HERPUD2: variants seen among roughly 807,000 people sequenced by gnomAD.
HERPUD2 encodes the protein homocysteine-responsive endoplasmic reticulum-resident ubiquitin-like domain member 2 protein.
Under a neutral mutation model 49.9 loss-of-function variants are expected in HERPUD2, and 13 were observed. The ratio of observed to expected loss-of-function variants is 0.26; its 90% CI spans 0.17 to 0.41. The LOEUF (loss-of-function observed/expected upper bound fraction) is 0.41, where lower values mean the gene tolerates loss of function less well. Among genes scored for constraint, HERPUD2 ranks in the 10% least tolerant of loss-of-function variants. The pLI is 1.00. For missense variants in HERPUD2, 449 were observed against 492.2 expected (o/e 0.91, Z 0.83); for synonymous variants, 172 against 171.4 (o/e 1.00, Z -0.03).
chr7:35,682,353 G>A (rs67023430), intron 2 of HERPUD2, among the ~76,000 whole-genome samples: 4,461 of 27,454 alleles, frequency 0.16, 878 homozygotes, highest in African/African-American at 0.22. Context: ...GTGTGTGTGT[G>A]TGTGTATATA....
intron 2 of HERPUD2, among the ~76,000 whole-genome samples, chr7:35,690,604 C>A (rs774875257): frequency 6.6e-6 from 1 of 152,212 alleles, no homozygotes; most frequent in South Asian, 2.1e-4. Context: ...GAGGTCAGGA[C>A]TTTGATACCA....
intron 5 of HERPUD2, among the ~76,000 whole-genome samples, chr7:35,663,418 CTGCTTGG>C (rs1785470724): frequency 6.6e-6 from 1 of 152,150 alleles, no homozygotes; most frequent in Non-Finnish European, 1.5e-5. Flanking sequence ...TCTATTAGGT[CTGCTTGG>C]TGCAGAGCTG....
chr7:35,635,950 T>A (rs1583534391), intron 6 of HERPUD2, among the ~76,000 whole-genome samples: 1 of 152,160 alleles, frequency 6.6e-6, no homozygotes, highest in East Asian at 1.9e-4. Flanking sequence ...TATCCTAAAA[T>A]CCTAAATACA....
chr7:35,645,154 G>A (rs1785030430), intron 5 of HERPUD2, among the ~76,000 whole-genome samples: 2 of 152,166 alleles, frequency 1.3e-5, no homozygotes, highest in Admixed American at 6.5e-5. Context: ...TCTGTACTTT[G>A]TGAATGTTTA....
intron 5 of HERPUD2, among the ~76,000 whole-genome samples, chr7:35,653,275 C>A (rs1785203908): frequency 6.6e-6 from 1 of 152,138 alleles, no homozygotes; most frequent in Admixed American, 6.6e-5. Context: ...ACAAGAACAT[C>A]TATCCTTATA....
chr7:35,685,037 T>G (rs1457840999), intron 2 of HERPUD2, among the ~76,000 whole-genome samples: 1 of 152,094 alleles, frequency 6.6e-6, no homozygotes, highest in Non-Finnish European at 1.5e-5. Flanking sequence ...GCCCAGGAGT[T>G]CCAGACCAGC....
chr7:35,636,616 A>G (rs982542942), intron 6 of HERPUD2, among the ~76,000 whole-genome samples: 1 of 152,238 alleles, frequency 6.6e-6, no homozygotes, highest in African/African-American at 2.4e-5. Context: ...AGTCACTCAA[A>G]TGATAACCAT....
At chr7:35,679,480 AC>A (rs1785832861) in intron 2 of HERPUD2, among the ~76,000 whole-genome samples, 1 of 152,202 alleles carries the variant, frequency 6.6e-6, no homozygotes, top group South Asian at 2.1e-4. Context: ...ATGCAATAGC[AC>A]CCAGCAAAAG....
chr7:35,647,043 A>G (rs1785066728), intron 5 of HERPUD2, among the ~76,000 whole-genome samples: 1 of 152,206 alleles, frequency 6.6e-6, no homozygotes, highest in South Asian at 2.1e-4. Flanking sequence ...ACCAAAATAC[A>G]ATCATCGTAG....
chr7:35,641,739 T>C (rs563930618), intron 5 of HERPUD2, among the ~76,000 whole-genome samples: 1 of 152,318 alleles, frequency 6.6e-6, no homozygotes, highest in East Asian at 1.9e-4. Context: ...TAAATGGTGC[T>C]AGGATAATTG....
At position 35,685,324 on chromosome 7, in the gene HERPUD2, TG is replaced by T. The variant is rs1392884860; in HGVS notation, c.147+8859del. Among the ~76,000 whole-genome samples, 444 of 119,606 alleles carry T rather than the reference TG, an allele frequency of 3.7e-3. 2 individuals carry two copies. Among genetic ancestry groups the T allele is most frequent in the African/African-American group, 0.015 (416 of 27,092 alleles). The allele number at this position is 119,606 out of a possible 152,430, so 78.5% of individuals were successfully genotyped here. A position where few individuals can be genotyped will look rare whatever the true frequency, so the allele number is the denominator to read the frequency against. Reference sequence around the variant, plus strand: ...AAAAAGTAACACTTGGAATTTTTTTTGTTTTTTTTTTTTTTTGGAGATAGAG... The same window carrying T: ...AAAAAGTAACACTTGGAATTTTTTTTTTTTTTTTTTTTTTTGGAGATAGAG... On this transcript the variant is annotated intron_variant, in intron 2 of 8. Coordinates refer to ENST00000311350, the MANE Select transcript of HERPUD2 (RefSeq NM_022373.5).
At chr7:35,681,429 A>G (rs1032395102) in intron 2 of HERPUD2, among the ~76,000 whole-genome samples, 1 of 152,240 alleles carries the variant, frequency 6.6e-6, no homozygotes, top group Non-Finnish European at 1.5e-5. Flanking sequence ...TTAAACATAC[A>G]GTTACCCTAT....
At chr7:35,655,257 GAGA>G (rs1299100760) in intron 5 of HERPUD2, among the ~76,000 whole-genome samples, 3 of 152,164 alleles carry the variant, frequency 2.0e-5, no homozygotes, top group Non-Finnish European at 4.4e-5. Context: ...ACTAAAACCA[GAGA>G]AGGACACAAC....
intron 5 of HERPUD2, among the ~76,000 whole-genome samples, chr7:35,642,151 C>G (rs1784976328): frequency 6.6e-6 from 1 of 152,024 alleles, no homozygotes; most frequent in African/African-American, 2.4e-5. Flanking sequence ...GGGCAAAGGA[C>G]ATGAACACAC....
At chr7:35,659,454 C>T (rs769973054) in intron 5 of HERPUD2, among the ~76,000 whole-genome samples, 14 of 152,208 alleles carry the variant, frequency 9.2e-5, no homozygotes, top group Non-Finnish European at 1.8e-4. Context: ...ACAACATTCA[C>T]TTATAAGGAT....
intron 7 of HERPUD2, among the ~76,000 whole-genome samples, chr7:35,634,768 C>G (rs1231867617): frequency 6.6e-6 from 1 of 152,070 alleles, no homozygotes; most frequent in African/African-American, 2.4e-5. Flanking sequence ...GAAAAATAGT[C>G]TACTTATGAA....
intron 7 of HERPUD2, 35 bp from the exon 8 acceptor site, chr7:35,634,464 C>T (rs1292044875): frequency 7.5e-7 from 1 of 1,324,974 alleles, no homozygotes; most frequent in Non-Finnish European, 1.1e-6. Flanking sequence ...TAAAATAAGT[C>T]ACAGTTGTTT....
chr7:35,666,913 G>A (rs188895579), intron 5 of HERPUD2, among the ~76,000 whole-genome samples: 34 of 152,318 alleles, frequency 2.2e-4, no homozygotes, highest in African/African-American at 7.7e-4. Flanking sequence ...TTGTTACCAA[G>A]TTGATTAGAA....
chr7:35,646,143 T>C (rs1785051313), intron 5 of HERPUD2, among the ~76,000 whole-genome samples: 1 of 152,156 alleles, frequency 6.6e-6, no homozygotes, highest in Non-Finnish European at 1.5e-5. Context: ...AAAATACTGA[T>C]TATAAGCAAC....
Sources: gnomAD v4.1 joint callset for allele counts (sites outside exome capture counted in the v4.1 genomes callset) on GRCh38, gnomAD v4.1.1 for gene constraint, MANE v1.5 for transcripts, NCBI Gene and HGNC (gene_info 2026-07-23, HGNC 2026-07-21) for gene names.